Variants in PDGFRA observed in about 807,000 individuals in gnomAD.
The protein encoded by PDGFRA is platelet-derived growth factor receptor alpha.
PDGFRA carries 25 observed loss-of-function variants against 121.5 expected under a neutral mutation model. That is an observed-to-expected ratio of 0.21 (90% CI 0.15 to 0.29). PDGFRA has a LOEUF of 0.29. PDGFRA is among the 10% of genes least tolerant of loss of function. The pLI is 1.00. For synonymous variants in PDGFRA, 463 were observed against 494.8 expected (o/e 0.94, Z 0.85); for missense variants, 1,008 against 1,345.1 (o/e 0.75, Z 3.92).
intron 1 of PDGFRA, among the ~76,000 whole-genome samples, chr4:54,240,374 C>T (rs995634002): frequency 2.6e-5 from 4 of 152,142 alleles, no homozygotes; most frequent in Non-Finnish European, 5.9e-5. Flanking sequence ...CTATTGGCCA[C>T]CCCCCAGATG....
At chr4:54,280,253 T>A in intron 15 of PDGFRA, 63 bp from the exon 16 acceptor site, 1 of 574,780 alleles carries the variant, frequency 1.7e-6, no homozygotes, top group Non-Finnish European at 2.8e-6. Context: ...CATCATCTAC[T>A]GAAAGTGGAA....
At chr4:54,244,113 C>T (rs1005138614) in intron 1 of PDGFRA, among the ~76,000 whole-genome samples, 3 of 152,240 alleles carry the variant, frequency 2.0e-5, no homozygotes, top group Non-Finnish European at 4.4e-5. Context: ...CTGCCTGCCT[C>T]TGTAGGCTCC....
intron 16 of PDGFRA, among the ~76,000 whole-genome samples, chr4:54,281,082 T>C (rs1724055620): frequency 6.6e-6 from 1 of 152,220 alleles, no homozygotes; most frequent in Non-Finnish European, 1.5e-5. Flanking sequence ...GTCTATCTGT[T>C]TTTCAAGTAC....
At chr4:54,243,043 C>A (rs1452104749) in intron 1 of PDGFRA, among the ~76,000 whole-genome samples, 4 of 152,118 alleles carry the variant, frequency 2.6e-5, no homozygotes, top group Non-Finnish European at 5.9e-5. Flanking sequence ...TTACTACAGA[C>A]CAATACTTCT....
chr4:54,281,745 A>G, intron 16 of PDGFRA: 1 of 1,353,172 alleles, frequency 7.4e-7, no homozygotes, highest in Non-Finnish European at 9.7e-7. Context: ...TTCAAAAAGA[A>G]TTGAGAACTT....
chr4:54,277,293 C>G, intron 12 of PDGFRA, 95 bp from the exon 13 acceptor site: 1 of 844,410 alleles, frequency 1.2e-6, no homozygotes, highest in Non-Finnish European at 2.1e-6. Context: ...GAAAGACACT[C>G]GCCCAGCTGT....
At chr4:54,241,736 A>G (rs1721312041) in intron 1 of PDGFRA, among the ~76,000 whole-genome samples, 1 of 151,850 alleles carries the variant, frequency 6.6e-6, no homozygotes, top group Admixed American at 6.6e-5. Flanking sequence ...TTTAGTAGAG[A>G]TGGGGTTTCA....
At chr4:54,239,050 C>T (rs528723649) in intron 1 of PDGFRA, among the ~76,000 whole-genome samples, 30 of 152,262 alleles carry the variant, frequency 2.0e-4, no homozygotes, top group Admixed American at 1.8e-3. Flanking sequence ...CCCACCAAAA[C>T]GAAGATGGTG....
chr4:54,261,931 A>ATATATAT (rs57094735), intron 3 of PDGFRA, among the ~76,000 whole-genome samples: 2 of 58,424 alleles, frequency 3.4e-5, no homozygotes, highest in African/African-American at 6.7e-5. Context: ...ATATATATAT[A>ATATATAT]TTTTTTTTTT....
At chr4:54,260,321 T>G (rs1199244649) in intron 2 of PDGFRA, among the ~76,000 whole-genome samples, 1 of 151,638 alleles carries the variant, frequency 6.6e-6, no homozygotes, top group Non-Finnish European at 1.5e-5. Context: ...AAATGGAAGA[T>G]GTGGAATTCT....
intron 22 of PDGFRA, among the ~76,000 whole-genome samples, chr4:54,294,092 T>A (rs192829892): frequency 6.6e-6 from 1 of 152,296 alleles, no homozygotes; most frequent in East Asian, 1.9e-4. Flanking sequence ...TGTTTTAGAA[T>A]ATGTTATGTG....
At chr4:54,273,767 A>C (rs1376931716) in intron 10 of PDGFRA, 37 bp downstream of exon 10, 11 of 1,552,034 alleles carry the variant, frequency 7.1e-6, no homozygotes, top group African/African-American at 5.4e-5. Context: ...TCATCAGCTG[A>C]GCCGCATCTG....
chr4:54,266,118 A>G (rs1445276815), intron 5 of PDGFRA, among the ~76,000 whole-genome samples: 1 of 152,226 alleles, frequency 6.6e-6, no homozygotes, highest in Non-Finnish European at 1.5e-5. Flanking sequence ...TTCTGTTCAT[A>G]CTTGATTGAC....
At chr4:54,256,781 G>A (rs1722398875) in intron 1 of PDGFRA, among the ~76,000 whole-genome samples, 1 of 151,874 alleles carries the variant, frequency 6.6e-6, no homozygotes. Context: ...GGGAGGCCAA[G>A]GCAGGAGGAT....
At chr4:54,294,983 T>C (rs1724804562) in intron 22 of PDGFRA, 142 bp from the exon 23 acceptor site, 1 of 813,528 alleles carries the variant, frequency 1.2e-6, no homozygotes. Flanking sequence ...TACCACAGCA[T>C]GTCAGGCCTG....
chr4:54,235,162 A>G (rs1278675755), intron 1 of PDGFRA, among the ~76,000 whole-genome samples: 1 of 152,188 alleles, frequency 6.6e-6, no homozygotes, highest in Admixed American at 6.5e-5. Flanking sequence ...TCACAGTTAG[A>G]ATTAACTTAG....
chr4:54,276,047 G>A (rs1577728258), intron 12 of PDGFRA, among the ~76,000 whole-genome samples: 1 of 152,182 alleles, frequency 6.6e-6, no homozygotes, highest in East Asian at 1.9e-4. Context: ...TGAGGTCAGT[G>A]CTTGAGATAT....
At chr4:54,293,907 T>TG (rs112495312) in intron 22 of PDGFRA, among the ~76,000 whole-genome samples, 24 of 142,558 alleles carry the variant, frequency 1.7e-4, no homozygotes, top group Non-Finnish European at 2.9e-4. Flanking sequence ...TCCAAGTTGC[T>TG]TGTGTGTGTG....
chr4:54,259,290 A>T (rs1421042543), intron 2 of PDGFRA, among the ~76,000 whole-genome samples: 2 of 152,204 alleles, frequency 1.3e-5, no homozygotes, highest in African/African-American at 4.8e-5. Flanking sequence ...ACCACACTCC[A>T]GCAACATAGC....
Sources: allele counts gnomAD v4.1 joint callset (sites outside exome capture counted in the v4.1 genomes callset), GRCh38; gene constraint gnomAD v4.1.1; transcripts MANE v1.5; gene names NCBI Gene and HGNC (gene_info 2026-07-23, HGNC 2026-07-21).